PKHD1L1: variants seen among roughly 807,000 people sequenced by gnomAD.
PKHD1L1 encodes the protein PKHD1 like 1.
Under a neutral mutation model 462.9 loss-of-function variants are expected in PKHD1L1, and 434 were observed. The ratio of observed to expected loss-of-function variants is 0.94; its 90% CI spans 0.87 to 1.02. PKHD1L1 has a LOEUF of 1.02. PKHD1L1 is among the 50% of genes least tolerant of loss of function. PKHD1L1 has a pLI of 0.00. For synonymous variants in PKHD1L1, 1,781 were observed against 1,750.0 expected, an observed-to-expected ratio of 1.02 and a Z score of -0.44; for missense variants, 5,202 against 5,096.1, an observed-to-expected ratio of 1.02 and a Z score of -0.63.
chr8:109,491,711 A>G (rs1482568548), intron 61 of PKHD1L1, among the ~76,000 whole-genome samples, 162 bp from the exon 62 acceptor site: 1 of 151,910 alleles, frequency 6.6e-6, no homozygotes, highest in African/African-American at 2.4e-5. Context: ...TCATTATCAA[A>G]GAGTTCAGAA....
At chr8:109,503,398 A>T (rs1401765465) in intron 67 of PKHD1L1, among the ~76,000 whole-genome samples, 1 of 152,192 alleles carries the variant, frequency 6.6e-6, no homozygotes, top group Non-Finnish European at 1.5e-5. Context: ...GCACTGGCCC[A>T]GTAAAGGAGA....
rs771349784 is a variant in PKHD1L1, at chr8:109,522,232, A to G, written c.12078A>G (p.Gly4026=). The G allele has an allele frequency of 1.7e-5, 27 of 1,605,388 alleles. No homozygotes were observed. Among genetic ancestry groups the G allele is most frequent in the Non-Finnish European group, 2.2e-5 (26 of 1,173,040 alleles). ...SELQEIAGSL[G]QAVILGNISS... is the part of the protein sequence containing the mutation. ...TCCAGGAAATTGCTGGTTCTCTTGG[A>G]CAAGCTGTAATTTTAGGAAACATCA... The change falls in exon 74 of 78, where the codon GGA becomes GGG. Residue 4026 remains glycine (G), a synonymous_variant. Transcript: ENST00000378402.
At chr8:109,493,830 T>A in intron 63 of PKHD1L1, 79 bp downstream of exon 63, 1 of 931,984 alleles carries the variant, frequency 1.1e-6, no homozygotes, top group South Asian at 2.1e-5. Context: ...TTATTGTTTG[T>A]TAATTCAATA....
Position 109,466,677 on chromosome 8 carries a change from G to C in PKHD1L1, c.8513G>C (p.Cys2838Ser), listed in dbSNP as rs1184767740. Residue 2838 changes from cysteine (C) to serine (S), a missense_variant, in exon 50 of 78, where the codon TGT (cysteine) becomes TCT (serine). Cys to Ser is a moderately radical substitution (Grantham distance 112). This residue lies in a region of PKHD1L1 where 4,497 missense variants were observed against 4,336.8 expected (regional missense o/e 1.04). Transcript: ENST00000378402. ...EWSIGFPGSV[C>S]DASVSFHRLA... ...AGCATTGGGTTCCCTGGATCAGTCTGTGATGCTTCAGTCAGCTTTCACCGT... is the reference window on the plus strand; with the variant it reads ...AGCATTGGGTTCCCTGGATCAGTCTCTGATGCTTCAGTCAGCTTTCACCGT... The C allele has an allele frequency of 6.2e-7, 1 of 1,612,266 alleles. No individual in the cohort carries two copies. The highest frequency in any genetic ancestry group is 8.5e-7 in the Non-Finnish European group (1 of 1,179,214).
chr8:109,485,313 T>C (rs991712572), intron 58 of PKHD1L1, 140 bp downstream of exon 58: 1 of 692,528 alleles, frequency 1.4e-6, no homozygotes, highest in Non-Finnish European at 2.3e-6. Context: ...TGATACCCAG[T>C]GAGTGCTGCT....
At chr8:109,516,616 A>C (rs1820282652) in intron 72 of PKHD1L1, among the ~76,000 whole-genome samples, 1 of 152,112 alleles carries the variant, frequency 6.6e-6, no homozygotes, top group South Asian at 2.1e-4. Context: ...AGAACTCAAA[A>C]ACAGTCTAGC....
Position 109,382,473 on chromosome 8 carries a change from G to C in PKHD1L1, c.319G>C (p.Glu107Gln). ...QITCYTRAMP[E>Q]DSYTVRVSVD... ...TCATTTTCTTTATAGAGCAATGCCG[G>C]AAGATTCCTACACTGTTAGAGTCAG... is the stretch of plus-strand genomic sequence containing the variant. Residue 107 changes from glutamate (E) to glutamine (Q), a missense_variant, in exon 4 of 78, where the codon GAA becomes CAA. Physicochemically the swap from Glu to Gln is conservative, Grantham distance 29. Coordinates refer to ENST00000378402, the MANE Select transcript of PKHD1L1 (RefSeq NM_177531.6). 1 of 1,604,786 alleles carries C rather than the reference G, an allele frequency of 6.2e-7. No homozygotes were observed. Among genetic ancestry groups the C allele is most frequent in the Non-Finnish European group, 8.5e-7 (1 of 1,175,928 alleles).
chr8:109,390,539 G>A, intron 9 of PKHD1L1, 45 bp downstream of exon 9: 1 of 1,090,518 alleles, frequency 9.2e-7, no homozygotes, highest in Non-Finnish European at 1.3e-6. Flanking sequence ...GATTCAACAG[G>A]GTAAATAAGA....
rs775554324 is a variant in PKHD1L1 at position 109,531,705 on chromosome 8, T to C, written c.*1615T>C. The stretch of plus-strand genomic sequence containing the variant: ...TGCAGGTAAGAGGTCCCTGACAAGG[T>C]AGTCTTCAAAGTATACATGAAAGCC... On this transcript the variant is annotated 3_prime_UTR_variant, in exon 78 of 78. Coordinates refer to ENST00000378402, the MANE Select transcript of PKHD1L1 (RefSeq NM_177531.6). 1.1e-4 allele frequency among the ~76,000 whole-genome samples: 17 copies of C among 152,144 alleles called. No individual in the cohort carries two copies. Among genetic ancestry groups the C allele is most frequent in the Non-Finnish European group, 2.1e-4 (14 of 68,016 alleles).
rs774668496 is a variant in PKHD1L1 at position 109,419,227 on chromosome 8, A to C, written c.2491A>C (p.Ile831Leu). ...GTCCTTCTATGTGGATGTAGTGTAC[A>C]TTGGACACACATCTACAATCTCAAC... ...SQSFYVDVVY[I>L]GHTSTISTLD... is the part of the protein sequence containing the mutation. Residue 831 changes from isoleucine to leucine, a missense_variant, in exon 22 of 78, where the codon ATT becomes CTT. Ile to Leu is a conservative substitution (Grantham distance 5, BLOSUM62 2). Coordinates refer to ENST00000378402, the MANE Select transcript of PKHD1L1 (RefSeq NM_177531.6). 6.2e-7 allele frequency: 1 copy of C among 1,610,782 alleles called. No homozygotes were observed. Among genetic ancestry groups the C allele is most frequent in the Non-Finnish European group, 8.5e-7 (1 of 1,178,052 alleles).
At chr8:109,447,832 T>G (rs905597431) in intron 38 of PKHD1L1, among the ~76,000 whole-genome samples, 1 of 152,192 alleles carries the variant, frequency 6.6e-6, no homozygotes, top group Non-Finnish European at 1.5e-5. Context: ...ACTTCCTAAC[T>G]CTAGACCTGC....
chr8:109,388,438 A>G, intron 6 of PKHD1L1, 59 bp from the exon 7 acceptor site: 1 of 1,280,760 alleles, frequency 7.8e-7, no homozygotes, highest in Non-Finnish European at 1.1e-6. Flanking sequence ...GGAGGAGTGC[A>G]TTTTTGAAAC....
Position 109,458,335 on chromosome 8 carries a change from T to C in PKHD1L1, c.7005-1260T>C, listed in dbSNP as rs1006104144. ...TTCTCAGCCTCTCACACCTGGAATA[T>C]TACATCATCTTCCTCTTTGGGCTCC... On this transcript the variant is annotated intron_variant, in intron 46 of 77. Transcript: ENST00000378402. 1.6e-3 allele frequency among the ~76,000 whole-genome samples: 243 copies of C among 152,260 alleles called. 1 individual carries two copies. Among genetic ancestry groups the C allele is most frequent in the Non-Finnish European group, 8.8e-5 (6 of 68,002 alleles).
In PKHD1L1 at chr8:109,371,672, A is replaced by C. The variant is rs564977070; in HGVS notation, c.163+7036A>C. 1.8e-3 allele frequency among the ~76,000 whole-genome samples: 181 copies of C among 101,544 alleles called. 7 individuals carry two copies. Among genetic ancestry groups the C allele is most frequent in the African/African-American group, 6.8e-3 (174 of 25,764 alleles). The allele number at this position is 101,544 out of a possible 152,430, so 66.6% of individuals were successfully genotyped here. On this transcript the variant is annotated intron_variant, in intron 2 of 77. Transcript: ENST00000378402. ...GTAAGTCTTTAATCCATCTTGAATT[A>C]ATTTTTGATAAGGTGTAAGGAAGGG...
chr8:109,470,738 A>G (rs1202728655), intron 50 of PKHD1L1: 4 of 1,561,666 alleles, frequency 2.6e-6, no homozygotes, highest in East Asian at 2.2e-5. Flanking sequence ...TCTTCTTGGG[A>G]CAGCCAGTTT....
At chr8:109,487,932 G>GGAAGGAAGGAAC (rs1563600597) in intron 59 of PKHD1L1, among the ~76,000 whole-genome samples, 4 of 150,642 alleles carry the variant, frequency 2.7e-5, no homozygotes, top group East Asian at 2.0e-4. Context: ...AAGGAAGGAA[G>GGAAGGAAGGAAC]GAAGGAAGGA....
In PKHD1L1 at chr8:109,445,595, C is replaced by T. The variant is rs1298873040; in HGVS notation, c.5726C>T (p.Thr1909Ile). Reference sequence around the variant, plus strand: ...ATTGCTTATCCACCTTTGCTTTTTACATATGCCCTGGAGGATACTCCATTT... The same window carrying T: ...ATTGCTTATCCACCTTTGCTTTTTATATATGCCCTGGAGGATACTCCATTT... ...NTIAYPPLLF[T>I]YALEDTPFLR... Residue 1909 changes from threonine (T) to isoleucine (I), a missense_variant, in exon 38 of 78, where the codon ACA becomes ATA. This residue lies in a region of PKHD1L1 where 4,497 missense variants were observed against 4,336.8 expected (regional missense o/e 1.04). Transcript: ENST00000378402. 1.9e-6 allele frequency: 3 copies of T among 1,610,392 alleles called. No homozygotes were observed. The highest frequency in any genetic ancestry group is 2.5e-6 in the Non-Finnish European group (3 of 1,177,908).
At chr8:109,442,517 G>T (rs549535778) in intron 35 of PKHD1L1, among the ~76,000 whole-genome samples, 69 of 152,264 alleles carry the variant, frequency 4.5e-4, no homozygotes, top group African/African-American at 1.6e-3. Context: ...AGCAAGCGAT[G>T]AACTTTGACT....
In PKHD1L1 at chr8:109,406,417, A is replaced by G. The variant is rs758058649; in HGVS notation, c.1752A>G (p.Gln584=). 3 of 1,593,514 alleles carry G rather than the reference A, an allele frequency of 1.9e-6. No homozygotes were observed. The African/African-American group carries it at 4.0e-5, about 21-fold the overall frequency. The change falls in exon 17 of 78, where the codon CAA becomes CAG. Residue 584 remains glutamine, a synonymous_variant. Coordinates refer to ENST00000378402, the MANE Select transcript of PKHD1L1 (RefSeq NM_177531.6). ...GGTCTATAAAACCGGACACAGTTCAAGTAATAAGAACACAAAATCCCCAGA... is the reference window on the plus strand; with the variant it reads ...GGTCTATAAAACCGGACACAGTTCAGGTAATAAGAACACAAAATCCCCAGA... ...DLWSIKPDTV[Q]VIRTQNPQSY... is the part of the protein sequence containing the mutation.
Sources: gnomAD v4.1 joint callset for allele counts (sites outside exome capture counted in the v4.1 genomes callset) on GRCh38, gnomAD v4.1.1 for gene constraint, gnomAD v4.1.1 regional missense constraint, MANE v1.5 for transcripts, NCBI Gene and HGNC (gene_info 2026-07-23, HGNC 2026-07-21) for gene names.